The following SPINK5 variants were observed in gnomAD, a reference collection of about 807,000 sequenced individuals.
SPINK5 encodes the protein serine peptidase inhibitor Kazal type 5, also known as serine protease inhibitor Kazal-type 5.
SPINK5 carries 125 observed loss-of-function variants against 151.8 expected under a neutral mutation model. The ratio of observed to expected loss-of-function variants is 0.82; its 90% CI spans 0.71 to 0.96. The LOEUF is 0.96. Ranked by LOEUF, SPINK5 falls within the 40% of genes least tolerant of loss-of-function variation. The pLI is 0.00. For missense variants in SPINK5, 1,194 were observed against 1,291.9 expected (o/e 0.92, Z 1.16); for synonymous variants, 374 against 395.3 (o/e 0.95, Z 0.64).
chr5:148,087,777 G>T (rs889632201), intron 5 of SPINK5, among the ~76,000 whole-genome samples: 1 of 151,738 alleles, frequency 6.6e-6, no homozygotes, highest in South Asian at 2.1e-4. Context: ...TGTACTATGC[G>T]ATGAGAATCA....
chr5:148,086,046 G>C (rs1432403642), intron 4 of SPINK5, among the ~76,000 whole-genome samples: 1 of 151,764 alleles, frequency 6.6e-6, no homozygotes. Context: ...GTAGTTTATA[G>C]TTTACTTAGA....
At chr5:148,123,763 G>T in intron 26 of SPINK5, 70 bp from the exon 27 acceptor site, 2 of 1,599,394 alleles carry the variant, frequency 1.3e-6, no homozygotes, top group Non-Finnish European at 1.7e-6. Context: ...ATATCTAATC[G>T]GTCAATCATG....
chr5:148,126,716 C>T (rs528465958), intron 29 of SPINK5, among the ~76,000 whole-genome samples: 61 of 152,148 alleles, frequency 4.0e-4, no homozygotes, highest in African/African-American at 1.4e-3. Context: ...CTCAGCCTTT[C>T]GAGTAGCTGG....
chr5:148,097,777 T>C, intron 10 of SPINK5, 90 bp from the exon 11 acceptor site: 1 of 1,355,228 alleles, frequency 7.4e-7, no homozygotes, highest in Admixed American at 2.3e-5. Flanking sequence ...TTTTCATCCT[T>C]AATTTCTCTT....
At chr5:148,089,722 A>G (rs1753260000) in intron 7 of SPINK5, 101 bp downstream of exon 7, 1 of 1,559,508 alleles carries the variant, frequency 6.4e-7, no homozygotes, top group Non-Finnish European at 8.8e-7. Context: ...TGAAGCATGC[A>G]ATTCTTTGTC....
Position 148,094,442 on chromosome 5 carries a change from G to A in SPINK5, c.755G>A (p.Arg252Lys). The A allele has an allele frequency of 6.2e-7, 1 of 1,612,834 alleles. No individual in the cohort carries two copies. Among genetic ancestry groups the A allele is most frequent in the Non-Finnish European group, 8.5e-7 (1 of 1,179,146 alleles). ...GATCCAGTCCGTGGCCCTGACGGCAGGATGCATGGCAACAAATGTGCCCTG... is the reference window on the plus strand; with the variant it reads ...GATCCAGTCCGTGGCCCTGACGGCAAGATGCATGGCAACAAATGTGCCCTG... ...ESDPVRGPDG[R>K]MHGNKCALCA... The change falls in exon 9 of 33, where the codon AGG becomes AAG. Residue 252 changes from arginine (R) to lysine (K), a missense_variant. Arg to Lys is a conservative substitution (Grantham distance 26, BLOSUM62 2). Coordinates refer to ENST00000256084, the MANE Select transcript of SPINK5 (RefSeq NM_006846.4).
intron 31 of SPINK5, among the ~76,000 whole-genome samples, chr5:148,133,127 T>C (rs1377465142): frequency 6.6e-6 from 1 of 152,208 alleles, no homozygotes; most frequent in African/African-American, 2.4e-5. Flanking sequence ...CAGGATAGTT[T>C]GTTTAGCTAA....
At chr5:148,101,687 C>T (rs1753648397) in intron 14 of SPINK5, 94 bp from the exon 15 acceptor site, 8 of 1,578,924 alleles carry the variant, frequency 5.1e-6, no homozygotes, top group Admixed American at 3.4e-5. Context: ...AATTGCTAAT[C>T]CTCGTTTAAG....
Position 148,114,477 on chromosome 5 carries a change from G to A in SPINK5, c.2003G>A (p.Cys668Tyr), listed in dbSNP as rs1430703204. ...GKTHGNKCAM[C>Y]KAVFQKENEE... ...ACCCATGGCAACAAGTGTGCCATGTGTAAGGCAGTCTTGTGAGTGCACAAA... is the reference window on the plus strand; with the variant it reads ...ACCCATGGCAACAAGTGTGCCATGTATAAGGCAGTCTTGTGAGTGCACAAA... The change falls in exon 21 of 33, where the codon TGT becomes TAT. Residue 668 changes from cysteine (C) to tyrosine (Y), a missense_variant. Coordinates refer to ENST00000256084, the MANE Select transcript of SPINK5 (RefSeq NM_006846.4). 6.2e-7 allele frequency: 1 copy of A among 1,613,546 alleles called. No homozygotes were observed. Among genetic ancestry groups the A allele is most frequent in the Non-Finnish European group, 8.5e-7 (1 of 1,179,622 alleles).
Position 148,074,976 on chromosome 5 carries a change from T to A in SPINK5, c.282+2756T>A, listed in dbSNP as rs114429993. Among the ~76,000 whole-genome samples the A allele has an allele frequency of 6.4e-3, 977 of 151,912 alleles. 17 individuals are homozygous for A. Among genetic ancestry groups the A allele is most frequent in the African/African-American group, 0.023 (946 of 41,514 alleles). ...TATTGATTTCTTCAGGTTAATCTTA[T>A]GTCAGACAACTTTTGTTTTTGTTCT... On this transcript the variant is annotated intron_variant, in intron 4 of 32. Transcript: ENST00000256084.
chr5:148,111,684 T>C (rs1753931939), intron 18 of SPINK5, 84 bp from the exon 19 acceptor site: 2 of 1,597,456 alleles, frequency 1.3e-6, no homozygotes, highest in Admixed American at 3.3e-5. Flanking sequence ...CATTATGTTT[T>C]AGTTTTTAAA....
intron 4 of SPINK5, among the ~76,000 whole-genome samples, chr5:148,077,413 C>G (rs895480412): frequency 6.6e-6 from 1 of 150,962 alleles, no homozygotes. Context: ...AAAGATATTA[C>G]TGTACTAAAG....
intron 27 of SPINK5, 22 bp from the exon 28 acceptor site, chr5:148,124,743 T>TC: frequency 1.4e-6 from 2 of 1,386,594 alleles, no homozygotes; most frequent in Non-Finnish European, 1.9e-6. Context: ...TTACCCTATC[T>TC]TTTTTTTTAA....
intron 18 of SPINK5, among the ~76,000 whole-genome samples, 193 bp from the exon 19 acceptor site, chr5:148,111,575 G>A (rs1753928926): frequency 6.6e-6 from 1 of 152,168 alleles, no homozygotes; most frequent in Non-Finnish European, 1.5e-5. Flanking sequence ...GTTTTCTAAT[G>A]AGATAAATAA....
Position 148,129,178 on chromosome 5 carries a change from A to G in SPINK5, c.2965-2081A>G, listed in dbSNP as rs180713373. 1.1e-4 allele frequency among the ~76,000 whole-genome samples: 16 copies of G among 152,324 alleles called. No homozygotes were observed. In the East Asian group the frequency reaches 2.9e-3, roughly 28 times the overall value. ...TGAAATAGAGCTACCTCAGCTGTAG[A>G]AGAGGAAGTCAGGAAGCTAATGGGA... On this transcript the variant is annotated intron_variant, in intron 30 of 32. Coordinates refer to ENST00000256084, the MANE Select transcript of SPINK5 (RefSeq NM_006846.4).
intron 26 of SPINK5, 138 bp downstream of exon 26, chr5:148,120,529 A>C (rs1754229645): frequency 9.0e-7 from 1 of 1,111,054 alleles, no homozygotes; most frequent in Admixed American, 2.0e-5. Flanking sequence ...TCATGGCCAG[A>C]TCTTGAAAAT....
rs1753934848 is a variant in SPINK5, at chr5:148,111,759, A to G, written c.1693-9A>G. The G allele has an allele frequency of 1.9e-6, 3 of 1,613,934 alleles. No homozygotes were observed. In the East Asian group the frequency reaches 6.7e-5, roughly 36 times the overall value. On this transcript the variant is annotated splice_polypyrimidine_tract_variant and intron_variant, in intron 18 of 32. Transcript: ENST00000256084. ...GACTCTTAAAACCTGCTTCTGCTTC[A>G]TTTGGCAGGAGCTGTGCAGTGAATA...
At chr5:148,111,562 A>G (rs942530748) in intron 18 of SPINK5, among the ~76,000 whole-genome samples, 4 of 152,200 alleles carry the variant, frequency 2.6e-5, no homozygotes, top group African/African-American at 7.2e-5. Flanking sequence ...ATTTGACCTG[A>G]AGGTTTTCTA....
rs551336012 is a variant in SPINK5, at chr5:148,114,275, T to TC, written c.1888-87_1888-86insC. The stretch of plus-strand genomic sequence containing the variant: ...TCTCAGGTCATTTTCTCTCTCTTTT[T>TC]TTTTTTTCTATAAAGCACTTAGTAG... On this transcript the variant is annotated intron_variant, in intron 20 of 32. Transcript: ENST00000256084. 5.3e-5 allele frequency: 75 copies of TC among 1,402,938 alleles called. 1 individual carries two copies. The South Asian group carries it at 8.7e-4, about 16-fold the overall frequency. The allele number at this position is 1,402,938 out of a possible 1,614,324, so 86.9% of individuals were successfully genotyped here.
Sources: gnomAD v4.1 joint callset for allele counts (sites outside exome capture counted in the v4.1 genomes callset) on GRCh38, gnomAD v4.1.1 for gene constraint, MANE v1.5 for transcripts, NCBI Gene and HGNC (gene_info 2026-07-23, HGNC 2026-07-21) for gene names.